Variants in MAPK4 observed in about 807,000 individuals in gnomAD.
The protein encoded by MAPK4 is mitogen-activated protein kinase 4.
A neutral mutation model predicts 47.7 loss-of-function variants in MAPK4; 22 were observed. The observed-to-expected ratio is 0.46, with a 90% CI of 0.33 to 0.66. The LOEUF (loss-of-function observed/expected upper bound fraction) is 0.66. MAPK4 is among the 30% of genes least tolerant of loss of function. The pLI is 0.02. For missense variants in MAPK4, 736 were observed against 831.7 expected (o/e 0.88, Z 1.42); for synonymous variants, 390 against 365.7 (o/e 1.07, Z -0.76).
intron 1 of MAPK4, among the ~76,000 whole-genome samples, chr18:50,657,369 C>T (rs1386346607): frequency 6.6e-6 from 1 of 152,174 alleles, no homozygotes; most frequent in Non-Finnish European, 1.5e-5. Context: ...GCGCTATTGG[C>T]ATTTAGTGGG....
At chr18:50,617,708 T>C (rs2149380554) in intron 1 of MAPK4, among the ~76,000 whole-genome samples, 1 of 152,348 alleles carries the variant, frequency 6.6e-6, no homozygotes, top group African/African-American at 2.4e-5. Flanking sequence ...TGTGACAGGC[T>C]TCTGATCCTC....
chr18:50,567,097 C>A (rs1447607160), intron 1 of MAPK4, among the ~76,000 whole-genome samples: 1 of 143,020 alleles, frequency 7.0e-6, no homozygotes, highest in Non-Finnish European at 1.5e-5. Flanking sequence ...TTTATTGATG[C>A]TTTTTTTTTT....
At chr18:50,617,575 C>T (rs2042695309) in intron 1 of MAPK4, among the ~76,000 whole-genome samples, 1 of 152,156 alleles carries the variant, frequency 6.6e-6, no homozygotes, top group South Asian at 2.1e-4. Context: ...ACCATCTCAG[C>T]TGCAGAGCCG....
At chr18:50,570,631 G>A (rs1427729175) in intron 1 of MAPK4, among the ~76,000 whole-genome samples, 1 of 152,208 alleles carries the variant, frequency 6.6e-6, no homozygotes, top group African/African-American at 2.4e-5. Flanking sequence ...CCAGGCTCAG[G>A]AGTCAAGACA....
chr18:50,666,823 CT>C (rs1907627279), intron 2 of MAPK4, among the ~76,000 whole-genome samples: 1 of 148,598 alleles, frequency 6.7e-6, no homozygotes, highest in Admixed American at 6.7e-5. Flanking sequence ...TTTTAGCTTT[CT>C]GCCCTCTCTT....
rs542994020 is a variant in MAPK4, at chr18:50,674,525, G to A, written c.546+10021G>A. On this transcript the variant is annotated intron_variant, in intron 2 of 5. Transcript: ENST00000400384. Reference sequence around the variant, plus strand: ...TCATCCGCTGCCACTCCACTCCCTCGTGTTGTAACTGACTTGTCACCATTC... The same window carrying A: ...TCATCCGCTGCCACTCCACTCCCTCATGTTGTAACTGACTTGTCACCATTC... 5.9e-5 allele frequency among the ~76,000 whole-genome samples: 9 copies of A among 152,178 alleles called. No homozygotes were observed. In the South Asian group the frequency reaches 1.2e-3, roughly 21 times the overall value.
chr18:50,676,441 A>C (rs898230839), intron 2 of MAPK4, among the ~76,000 whole-genome samples: 2 of 152,218 alleles, frequency 1.3e-5, no homozygotes, highest in Admixed American at 6.5e-5. Context: ...CTTTTTACCC[A>C]AATTTTTTCA....
intron 1 of MAPK4, among the ~76,000 whole-genome samples, chr18:50,616,005 G>A (rs1210870540): frequency 6.6e-6 from 1 of 152,170 alleles, no homozygotes; most frequent in African/African-American, 2.4e-5. Flanking sequence ...GAGGGATTTG[G>A]ACTAAACTTC....
chr18:50,618,206 A>T (rs568574438), intron 1 of MAPK4, among the ~76,000 whole-genome samples: 1 of 152,218 alleles, frequency 6.6e-6, no homozygotes, highest in South Asian at 2.1e-4. Context: ...GAGCTCTCCC[A>T]TCATCTCTGA....
rs116250786 is a variant in MAPK4, at chr18:50,616,689, A to G, written c.-870-46400A>G. 5.2e-3 allele frequency among the ~76,000 whole-genome samples: 797 copies of G among 152,316 alleles called. 7 individuals carry two copies. Among genetic ancestry groups the G allele is most frequent in the African/African-American group, 0.018 (758 of 41,570 alleles). On this transcript the variant is annotated intron_variant, in intron 1 of 5. Transcript: ENST00000400384. The stretch of plus-strand genomic sequence containing the variant: ...CTGGCAGGTCACTGGTGTAAGTCCA[A>G]GAGTCCAACAGCTGAAGAACCTGGA...
chr18:50,593,211 C>T (rs2042453311), intron 1 of MAPK4, among the ~76,000 whole-genome samples: 2 of 152,130 alleles, frequency 1.3e-5, no homozygotes, highest in African/African-American at 4.8e-5. Context: ...TCTTATTTTG[C>T]GTCATCAAAA....
At chr18:50,598,725 C>T (rs1025047773) in intron 1 of MAPK4, among the ~76,000 whole-genome samples, 1 of 152,178 alleles carries the variant, frequency 6.6e-6, no homozygotes, top group Non-Finnish European at 1.5e-5. Context: ...TTTAGCATTG[C>T]ACTTAGTTGT....
chr18:50,661,360 C>T (rs2043169924), intron 1 of MAPK4, among the ~76,000 whole-genome samples: 1 of 152,176 alleles, frequency 6.6e-6, no homozygotes. Context: ...GCCATAGAAT[C>T]TGGTTCACTG....
intron 1 of MAPK4, among the ~76,000 whole-genome samples, chr18:50,611,564 G>A (rs2042633671): frequency 6.6e-6 from 1 of 152,290 alleles, no homozygotes; most frequent in Non-Finnish European, 1.5e-5. Context: ...TCTAGGCCCA[G>A]GCCAGAATGT....
chr18:50,612,363 A>G (rs913531109), intron 1 of MAPK4, among the ~76,000 whole-genome samples: 1 of 152,214 alleles, frequency 6.6e-6, no homozygotes, highest in African/African-American at 2.4e-5. Context: ...ATCTAAACCT[A>G]TCATAAGCAA....
At chr18:50,595,071 A>G (rs928796094) in intron 1 of MAPK4, among the ~76,000 whole-genome samples, 2 of 152,246 alleles carry the variant, frequency 1.3e-5, no homozygotes, top group South Asian at 4.1e-4. Flanking sequence ...TGGCAAGGAT[A>G]TGGAATGACT....
At chr18:50,567,748 GT>G (rs1306348343) in intron 1 of MAPK4, among the ~76,000 whole-genome samples, 143 of 151,888 alleles carry the variant, frequency 9.4e-4, no homozygotes, top group Admixed American at 8.5e-3. Flanking sequence ...GTGTGTGTGT[GT>G]GTGTGGGTGG....
In MAPK4 at chr18:50,709,190, G is replaced by T. The variant is rs1460246065; in HGVS notation, c.547-5889G>T. Among the ~76,000 whole-genome samples the T allele has an allele frequency of 5.3e-5, 8 of 152,222 alleles. No individual in the cohort carries two copies. In the East Asian group the frequency reaches 1.6e-3, roughly 30 times the overall value. On this transcript the variant is annotated intron_variant, in intron 2 of 5. Coordinates refer to ENST00000400384, the MANE Select transcript of MAPK4 (RefSeq NM_002747.4). Reference sequence around the variant, plus strand: ...TTTGATTTCCACTGCTCCTCCACCGGGAGGGCTCCTGGGAACCCAGTCCCC... The same window carrying T: ...TTTGATTTCCACTGCTCCTCCACCGTGAGGGCTCCTGGGAACCCAGTCCCC...
intron 2 of MAPK4, among the ~76,000 whole-genome samples, chr18:50,704,101 C>T (rs368026487): frequency 1.3e-5 from 2 of 152,146 alleles, no homozygotes; most frequent in African/African-American, 4.8e-5. Context: ...CAGGTAAGCT[C>T]TCTAGGGCCC....
Sources: gnomAD v4.1 joint callset for allele counts (sites outside exome capture counted in the v4.1 genomes callset) on GRCh38, gnomAD v4.1.1 for gene constraint, MANE v1.5 for transcripts, NCBI Gene and HGNC (gene_info 2026-07-23, HGNC 2026-07-21) for gene names.